The following IFT43 variants were observed in gnomAD, a reference collection of about 807,000 sequenced individuals.
IFT43 encodes the protein intraflagellar transport 43, also known as intraflagellar transport protein 43 homolog.
A neutral mutation model predicts 32.3 loss-of-function variants in IFT43; 33 were observed. That is an observed-to-expected ratio of 1.02 (90% confidence interval 0.77 to 1.37). The LOEUF (loss-of-function observed/expected upper bound fraction) is 1.37. Among genes scored for constraint, IFT43 ranks in the 40% most tolerant of loss-of-function variants. IFT43 has a pLI of 0.00. For synonymous variants in IFT43, 93 were observed against 98.2 expected (o/e 0.95, Z 0.31); for missense variants, 274 against 265.9 (o/e 1.03, Z -0.21).
Position 76,066,702 on chromosome 14 carries a change from A to G in IFT43, c.295+7329A>G, listed in dbSNP as rs149715437. The stretch of plus-strand genomic sequence containing the variant: ...CTATAAGGAAACCTAGTGGTTCCTA[A>G]TAAAATCACATCCAGGCTCTTTGAG... On this transcript the variant is annotated intron_variant, in intron 5 of 8. Coordinates refer to ENST00000314067, the MANE Select transcript of IFT43 (RefSeq NM_001102564.3). Among the ~76,000 whole-genome samples the G allele has an allele frequency of 5.0e-4, 76 of 152,346 alleles. 1 individual carries two copies. The East Asian group carries it at 8.7e-3, about 17-fold the overall frequency.
At chr14:76,002,385 G>A (rs1231005405) in intron 2 of IFT43, among the ~76,000 whole-genome samples, 1 of 151,932 alleles carries the variant, frequency 6.6e-6, no homozygotes, top group Non-Finnish European at 1.5e-5. Context: ...GTGGCATGAT[G>A]TCATCGACCT....
intron 2 of IFT43, among the ~76,000 whole-genome samples, chr14:76,010,839 CAATT>C (rs1006908974): frequency 6.6e-6 from 1 of 151,700 alleles, no homozygotes; most frequent in African/African-American, 2.4e-5. Context: ...AAGAATCACA[CAATT>C]AGATTTATTT....
chr14:76,046,390 T>C (rs972744217), intron 3 of IFT43, among the ~76,000 whole-genome samples: 1 of 151,780 alleles, frequency 6.6e-6, no homozygotes, highest in Non-Finnish European at 1.5e-5. Context: ...CCAGTGAGGG[T>C]GGCCTGGATA....
At chr14:75,987,430 C>G (rs2035550870) in intron 1 of IFT43, among the ~76,000 whole-genome samples, 1 of 152,152 alleles carries the variant, frequency 6.6e-6, no homozygotes, top group South Asian at 2.1e-4. Flanking sequence ...GCAGTCAGTC[C>G]TTAGAACATC....
chr14:76,011,386 A>T (rs2036082505), intron 2 of IFT43, among the ~76,000 whole-genome samples: 1 of 152,182 alleles, frequency 6.6e-6, no homozygotes, highest in Admixed American at 6.5e-5. Context: ...TAGATTCCAG[A>T]TGAATGGTTT....
At chr14:76,016,628 C>T (rs775089023) in intron 2 of IFT43, among the ~76,000 whole-genome samples, 1 of 152,016 alleles carries the variant, frequency 6.6e-6, no homozygotes, top group Non-Finnish European at 1.5e-5. Flanking sequence ...TGTATTGAAC[C>T]TGTAGATTCC....
In IFT43 at chr14:76,031,110, A is replaced by G. The variant is rs998476869; in HGVS notation, c.215+8716A>G. On this transcript the variant is annotated intron_variant, in intron 3 of 8. Coordinates refer to ENST00000314067, the MANE Select transcript of IFT43 (RefSeq NM_001102564.3). Reference sequence around the variant, plus strand: ...ATTATATATGTATATATAAGTTTTTATATTTCTCCTCCTTTGTTTCTATAT... The same window carrying G: ...ATTATATATGTATATATAAGTTTTTGTATTTCTCCTCCTTTGTTTCTATAT... Among the ~76,000 whole-genome samples, 30 of 149,602 alleles carry G rather than the reference A, an allele frequency of 2.0e-4. No homozygotes were observed. In the South Asian group the frequency reaches 4.0e-3, roughly 20 times the overall value.
Position 76,059,172 on chromosome 14 carries a change from A to T in IFT43, c.249-155A>T, listed in dbSNP as rs2302856. On this transcript the variant is annotated intron_variant, in intron 4 of 8. Transcript: ENST00000314067. ...CTGTGCAACCACACACGGCACACCC[A>T]GTGGCCTAATTAGGTTTGACTAAGT... The T allele has an allele frequency of 5.8e-5, 90 of 1,563,818 alleles. No homozygotes were observed. In the African/African-American group the frequency reaches 1.1e-3, roughly 19 times the overall value.
intron 3 of IFT43, among the ~76,000 whole-genome samples, chr14:76,030,751 C>T (rs958705223): frequency 2.0e-5 from 3 of 152,112 alleles, no homozygotes; most frequent in Non-Finnish European, 4.4e-5. Context: ...GTTAAGATAT[C>T]AATTTAATAC....
chr14:76,058,398 C>T (rs967734572), intron 3 of IFT43: 2 of 455,936 alleles, frequency 4.4e-6, no homozygotes, highest in African/African-American at 2.0e-5. Flanking sequence ...ACTCGCTCAA[C>T]CTGCACTTAC....
At chr14:75,990,508 C>T (rs2035616005) in intron 2 of IFT43, among the ~76,000 whole-genome samples, 2 of 152,188 alleles carry the variant, frequency 1.3e-5, no homozygotes, top group African/African-American at 2.4e-5. Context: ...TTATCTGTCA[C>T]AGTGCCTGGC....
intron 1 of IFT43, chr14:75,986,407 C>G (rs1361150199): frequency 3.9e-6 from 2 of 507,078 alleles, no homozygotes; most frequent in Admixed American, 9.2e-5. Flanking sequence ...GGTGCTCAGG[C>G]ACTGAGGCCA....
At chr14:75,999,520 C>T (rs1200116140) in intron 2 of IFT43, among the ~76,000 whole-genome samples, 1 of 151,756 alleles carries the variant, frequency 6.6e-6, no homozygotes, top group Non-Finnish European at 1.5e-5. Flanking sequence ...CTTTCTGATA[C>T]AAAATGAACA....
At chr14:76,014,235 T>C in intron 2 of IFT43, 1 of 177,946 alleles carries the variant, frequency 5.6e-6, no homozygotes, top group Non-Finnish European at 1.3e-5. Context: ...TGCTACCACC[T>C]GGCATTCGCT....
chr14:76,059,495 G>C lies in IFT43; in HGVS notation c.295+122G>C. On this transcript the variant is annotated intron_variant, in intron 5 of 8. Transcript: ENST00000314067. ...AAGACATTTGCAGTGGTCTTCTGAC[G>C]CATGCTGATGCACATCTTCATGCCT... 3.4e-6 allele frequency: 3 copies of C among 878,362 alleles called. No homozygotes were observed. In the South Asian group the frequency reaches 4.1e-5, roughly 12 times the overall value. 54.4% of individuals were successfully genotyped at this position (878,362 alleles called of 1,614,324 possible). A position where few individuals can be genotyped will look rare whatever the true frequency, so the allele number is the denominator to read the frequency against.
intron 5 of IFT43, among the ~76,000 whole-genome samples, chr14:76,079,723 C>G (rs1010868769): frequency 1.3e-5 from 2 of 152,222 alleles, no homozygotes; most frequent in African/African-American, 4.8e-5. Context: ...CGACTCCTGT[C>G]TTCCTTGTAT....
At chr14:76,025,870 A>G (rs944224344) in intron 3 of IFT43, among the ~76,000 whole-genome samples, 9 of 152,200 alleles carry the variant, frequency 5.9e-5, no homozygotes, top group African/African-American at 2.2e-4. Context: ...AGGCAATACC[A>G]TTCTGGACAT....
chr14:76,062,917 C>CAAAAAAAAAAAAAAAA lies in IFT43; in HGVS notation c.295+3553_295+3568dup, dbSNP rs746158153. On this transcript the variant is annotated intron_variant, in intron 5 of 8. Coordinates refer to ENST00000314067, the MANE Select transcript of IFT43 (RefSeq NM_001102564.3). ...TGGGCAACAGAGTGAGATCCCATCT[C>CAAAAAAAAAAAAAAAA]AAAAAAAAAAAAAAAAAAAAAAAAG... Among the ~76,000 whole-genome samples the CAAAAAAAAAAAAAAAA allele has an allele frequency of 7.7e-4, 56 of 72,478 alleles. 1 individual carries two copies. The highest frequency in any genetic ancestry group is 2.5e-3 in the African/African-American group (43 of 16,874). The allele number at this position is 72,478 out of a possible 152,430, so 47.5% of individuals were successfully genotyped here. A position where few individuals can be genotyped will look rare whatever the true frequency, so the allele number is the denominator to read the frequency against.
intron 2 of IFT43, among the ~76,000 whole-genome samples, chr14:75,994,530 T>C (rs2035705934): frequency 6.6e-6 from 1 of 152,188 alleles, no homozygotes; most frequent in African/African-American, 2.4e-5. Flanking sequence ...AGGTAATGCA[T>C]GTAAAGTACT....
Sources: allele counts gnomAD v4.1 joint callset (sites outside exome capture counted in the v4.1 genomes callset), GRCh38; gene constraint gnomAD v4.1.1; transcripts MANE v1.5; gene names NCBI Gene and HGNC (gene_info 2026-07-23, HGNC 2026-07-21).